The following SGO1 variants were observed in gnomAD, a reference collection of about 807,000 sequenced individuals.
SGO1 encodes the protein serologically defined breast cancer antigen NY-BR-85.
SGO1 carries 39 observed loss-of-function variants against 50.5 expected under a neutral mutation model. That is an observed-to-expected ratio of 0.77 (90% CI 0.60 to 1.01). The LOEUF (loss-of-function observed/expected upper bound fraction) is 1.01, where lower values mean the gene tolerates loss of function less well. SGO1 is among the 50% of genes least tolerant of loss of function. The pLI, the probability that SGO1 is intolerant of heterozygous loss-of-function variation, is 0.00. For missense variants in SGO1, 638 were observed against 606.0 expected, an observed-to-expected ratio of 1.05 and a Z score of -0.55; for synonymous variants, 191 against 205.1, an observed-to-expected ratio of 0.93 and a Z score of 0.59.
intron 5 of SGO1, among the ~76,000 whole-genome samples, chr3:20,176,243 T>C (rs1701375112): frequency 6.6e-6 from 1 of 152,152 alleles, no homozygotes; most frequent in Non-Finnish European, 1.5e-5. Flanking sequence ...ATGTGAGATA[T>C]TTTACCTTCT....
chr3:20,174,470 T>C lies in SGO1; in HGVS notation c.1061A>G (p.Asn354Ser), dbSNP rs555405052. The C allele has an allele frequency of 3.7e-5, 60 of 1,614,220 alleles. No individual in the cohort carries two copies. Among genetic ancestry groups the C allele is most frequent in the South Asian group, 1.8e-4 (16 of 91,086 alleles). ...GTTGTTTTCTTCTCTATTAGAGTCA[T>C]TGCTCACTTTTTGTCGGAAAGGAGT... ...HLTPFRQKVS[N>S]DSNREENNES... The change falls in exon 6 of 8, where the codon AAT (asparagine) becomes AGT (serine). Residue 354 changes from asparagine to serine, a missense_variant. Coordinates refer to ENST00000412997, the MANE Select transcript of SGO1 (RefSeq NM_001199251.3).
intron 6 of SGO1, 146 bp downstream of exon 6, chr3:20,174,103 T>C: frequency 1.5e-6 from 1 of 667,602 alleles, no homozygotes; most frequent in Non-Finnish European, 2.6e-6. Context: ...CACTGTTTAA[T>C]CAGACCATAA....
chr3:20,181,345 T>C (rs1435212762), intron 3 of SGO1, among the ~76,000 whole-genome samples: 1 of 152,214 alleles, frequency 6.6e-6, no homozygotes, highest in Non-Finnish European at 1.5e-5. Flanking sequence ...TACCTAAACG[T>C]TAACTATTGC....
intron 3 of SGO1, 27 bp downstream of exon 3, chr3:20,183,581 G>C (rs1465179523): frequency 3.3e-6 from 5 of 1,531,546 alleles, no homozygotes; most frequent in Non-Finnish European, 4.4e-6. Flanking sequence ...ACTAAACTAA[G>C]AAATTCGGCC....
At position 20,170,725 on chromosome 3, in the gene SGO1, T is replaced by G; in HGVS notation, c.1563A>C (p.Lys521Asn). ...ACCTTCATTGTATTTGTTTCATACT[T>G]TTTTTAGAACGTCTCAAATCCTTTT... is the stretch of plus-strand genomic sequence containing the variant. Reference protein sequence around the residue: ...KQKKDLRRSKKSMKQIQ With the variant: ...KQKKDLRRSKNSMKQIQ Residue 521 changes from lysine (K) to asparagine (N), a missense_variant, in exon 8 of 8, where the codon AAA becomes AAC. Transcript: ENST00000412997. The G allele has an allele frequency of 6.3e-7, 1 of 1,586,714 alleles. No homozygotes were observed. The highest frequency in any genetic ancestry group is 8.5e-7 in the Non-Finnish European group (1 of 1,173,674).
chr3:20,185,761 A>G (rs1419126222), intron 1 of SGO1, among the ~76,000 whole-genome samples, 187 bp downstream of exon 1: 1 of 152,202 alleles, frequency 6.6e-6, no homozygotes, highest in African/African-American at 2.4e-5. Context: ...AATCTACACA[A>G]TTTTGCAAAG....
At position 20,174,562 on chromosome 3, in the gene SGO1, T is replaced by G. The variant is rs774397052; in HGVS notation, c.969A>C (p.Lys323Asn). 45 of 1,606,462 alleles carry G rather than the reference T, an allele frequency of 2.8e-5. No individual in the cohort carries two copies. The East Asian group carries it at 9.4e-4, about 33-fold the overall frequency. The change falls in exon 6 of 8, where the codon AAA becomes AAC. Residue 323 changes from lysine to asparagine, a missense_variant. Physicochemically the swap from Lys to Asn is moderately conservative, Grantham distance 94. Coordinates refer to ENST00000412997, the MANE Select transcript of SGO1 (RefSeq NM_001199251.3). ...KSENKKTVPQKKMHKSVSSND... is the reference protein window; with the variant it reads ...KSENKKTVPQNKMHKSVSSND... ...TGGAACTGACAGATTTGTGCATTTT[T>G]TTTTGGGGAACAGTTTTTTTATTTT...
rs1308513818 is a variant in SGO1 at position 20,176,718 on chromosome 3, G to A, written c.417-59C>T. On this transcript the variant is annotated intron_variant, in intron 4 of 7. Coordinates refer to ENST00000412997, the MANE Select transcript of SGO1 (RefSeq NM_001199251.3). ...CAATTATGTAATAAAAACAAATTCA[G>A]TATTTTCCTAAATTATAATTTTTCT... The A allele has an allele frequency of 3.5e-6, 4 of 1,127,160 alleles. No individual in the cohort carries two copies. The African/African-American group carries it at 6.4e-5, about 18-fold the overall frequency. 69.8% of individuals were successfully genotyped at this position (1,127,160 alleles called of 1,614,324 possible).
At chr3:20,178,130 T>A in intron 4 of SGO1, 141 bp downstream of exon 4, 1 of 609,502 alleles carries the variant, frequency 1.6e-6, no homozygotes, top group South Asian at 2.4e-5. Context: ...CACATCAAAT[T>A]CTCTTAAATA....
chr3:20,165,266 G>A (rs1700235791), downstream of SGO1, among the ~76,000 whole-genome samples: 1 of 152,106 alleles, frequency 6.6e-6, no homozygotes, highest in Non-Finnish European at 1.5e-5. Flanking sequence ...AACTAAATGA[G>A]TGAGAGCTTA....
chr3:20,170,977 G>A, intron 7 of SGO1, 66 bp downstream of exon 7: 1 of 1,493,288 alleles, frequency 6.7e-7, no homozygotes, highest in Non-Finnish European at 9.0e-7. Context: ...CTTGAACAAA[G>A]CTCCATAACC....
At position 20,169,902 on chromosome 3, in the gene SGO1, T is replaced by G; in HGVS notation, c.*802A>C. The G allele has an allele frequency of 3.1e-6, 3 of 983,284 alleles. No individual in the cohort carries two copies. The highest frequency in any genetic ancestry group is 2.4e-6 in the Non-Finnish European group (2 of 828,008). 60.9% of individuals were successfully genotyped at this position (983,284 alleles called of 1,614,324 possible). ...TGTACCCTACTGTAAATGTCAAATA[T>G]TTATTTTACTCGAATACTACACAGA... On this transcript the variant is annotated 3_prime_UTR_variant, in exon 8 of 8. Coordinates refer to ENST00000412997, the MANE Select transcript of SGO1 (RefSeq NM_001199251.3).
chr3:20,164,870 A>G (rs1389253276), downstream of SGO1, among the ~76,000 whole-genome samples: 5 of 152,242 alleles, frequency 3.3e-5, no homozygotes, highest in Admixed American at 3.3e-4. Context: ...TAGAATGACT[A>G]GACTTCTCAA....
At chr3:20,169,437 G>A (rs1174907163), downstream of SGO1, 10 of 984,138 alleles carry the variant, frequency 1.0e-5, no homozygotes, top group African/African-American at 1.7e-5. Context: ...TGAAGACAGA[G>A]AGATACTCTA....
At chr3:20,170,872 T>C in intron 7 of SGO1, 57 bp from the exon 8 acceptor site, 1 of 1,552,096 alleles carries the variant, frequency 6.4e-7, no homozygotes, top group Middle Eastern at 1.7e-4. Context: ...ATTAACTTAC[T>C]CTTCCCTACC....
chr3:20,167,324 C>T (rs1291414933), downstream of SGO1, among the ~76,000 whole-genome samples: 1 of 152,054 alleles, frequency 6.6e-6, no homozygotes, highest in East Asian at 1.9e-4. Flanking sequence ...TAGACAAAAT[C>T]TTAAGGAAGA....
downstream of SGO1, among the ~76,000 whole-genome samples, chr3:20,167,214 G>C (rs779463933): frequency 1.3e-5 from 2 of 152,038 alleles, no homozygotes; most frequent in Non-Finnish European, 2.9e-5. Context: ...GGGACAACTG[G>C]TTATCCTCAT....
intron 5 of SGO1, 65 bp downstream of exon 5, chr3:20,176,536 T>C (rs1016109887): frequency 3.1e-6 from 3 of 952,956 alleles, no homozygotes; most frequent in East Asian, 2.6e-5. Flanking sequence ...AATTTAATTG[T>C]ATTATTTGTT....
intron 4 of SGO1, among the ~76,000 whole-genome samples, chr3:20,177,607 C>T (rs1265175720): frequency 6.6e-6 from 1 of 152,180 alleles, no homozygotes; most frequent in Non-Finnish European, 1.5e-5. Context: ...CATGCACAGA[C>T]AGCTCTCTAC....
Sources: gnomAD v4.1 joint callset for allele counts (sites outside exome capture counted in the v4.1 genomes callset) on GRCh38, gnomAD v4.1.1 for gene constraint, MANE v1.5 for transcripts, NCBI Gene and HGNC (gene_info 2026-07-23, HGNC 2026-07-21) for gene names.